Variants in CNPY1 observed in about 807,000 individuals in gnomAD.
CNPY1 encodes canopy FGF signaling regulator 1, also known as protein canopy homolog 1.
CNPY1 carries 14 observed loss-of-function variants against 14.4 expected under a neutral mutation model. That is an observed-to-expected ratio of 0.97 (90% CI 0.64 to 1.52). CNPY1 has a LOEUF of 1.52. Ranked by LOEUF, CNPY1 falls within the 40% of genes most tolerant of loss-of-function variation. The pLI, the probability that CNPY1 is intolerant of heterozygous loss-of-function variation, is 0.00. For missense variants in CNPY1, 129 were observed against 131.5 expected (o/e 0.98, Z 0.09); for synonymous variants, 43 against 46.5 (o/e 0.92, Z 0.31).
At chr7:155,533,535 C>T (rs1392926974) in intron 2 of CNPY1, among the ~76,000 whole-genome samples, 1 of 152,234 alleles carries the variant, frequency 6.6e-6, no homozygotes, top group Non-Finnish European at 1.5e-5. Flanking sequence ...AGCTCCGCCA[C>T]CCAGCGCGCG....
chr7:155,535,477 A>G (rs1783397446), intron 2 of CNPY1, among the ~76,000 whole-genome samples: 2 of 152,242 alleles, frequency 1.3e-5, no homozygotes, highest in African/African-American at 2.4e-5. Context: ...CACACAAGGC[A>G]TAAGGATACA....
At chr7:155,525,440 A>G (rs1034612755) in intron 2 of CNPY1, among the ~76,000 whole-genome samples, 21 of 151,818 alleles carry the variant, frequency 1.4e-4, no homozygotes, top group African/African-American at 5.1e-4. Context: ...AAGTGCTGGG[A>G]TTACAGGTGT....
At position 155,501,994 on chromosome 7, in the gene CNPY1, C is replaced by CGGG. The variant is rs1554446746; in HGVS notation, c.*1071_*1073dup. The stretch of plus-strand genomic sequence containing the variant: ...AACAATATGGCAAAGAGTTTTGGGT[C>CGGG]GGGGGGGTTGGGGGGGGGATTTGTA... On this transcript the variant is annotated 3_prime_UTR_variant, in exon 5 of 5. Coordinates refer to ENST00000636446, the MANE Select transcript of CNPY1 (RefSeq NM_001393663.1). The CGGG allele has an allele frequency of 5.7e-3, 70 of 12,374 alleles. No homozygotes were observed. Among genetic ancestry groups the CGGG allele is most frequent in the African/African-American group, 0.011 (49 of 4,582 alleles). 0.8% of individuals were successfully genotyped at this position (12,374 alleles called of 1,614,324 possible). A position where few individuals can be genotyped will look rare whatever the true frequency, so the allele number is the denominator to read the frequency against.
At chr7:155,520,420 CTTTCTTTCTTTTTT>C (rs1367462408) in intron 2 of CNPY1, among the ~76,000 whole-genome samples, 2 of 127,490 alleles carry the variant, frequency 1.6e-5, no homozygotes, top group Non-Finnish European at 3.3e-5. Flanking sequence ...TTCTTTCTTT[CTTTCTTTCTTTTTT>C]TTTTTTTTTT....
At chr7:155,532,434 A>G (rs1796953727) in intron 2 of CNPY1, among the ~76,000 whole-genome samples, 1 of 148,910 alleles carries the variant, frequency 6.7e-6, no homozygotes, top group Non-Finnish European at 1.5e-5. Context: ...CATCTCGGCT[A>G]ACATGGTGAA....
chr7:155,505,121 T>C (rs866906161), intron 4 of CNPY1, among the ~76,000 whole-genome samples: 2 of 152,308 alleles, frequency 1.3e-5, no homozygotes, highest in South Asian at 4.1e-4. Flanking sequence ...GTGGGAGAAG[T>C]CCAGTCTCTC....
intron 2 of CNPY1, among the ~76,000 whole-genome samples, chr7:155,532,560 G>A (rs1796958194): frequency 6.6e-6 from 1 of 152,184 alleles, no homozygotes; most frequent in South Asian, 2.1e-4. Flanking sequence ...GGCGGAGCTT[G>A]CAGTGAGCCG....
At chr7:155,506,442 G>T (rs902807449) in intron 4 of CNPY1, among the ~76,000 whole-genome samples, 1 of 152,146 alleles carries the variant, frequency 6.6e-6, no homozygotes, top group African/African-American at 2.4e-5. Context: ...TTCTGAGTGT[G>T]TGTATATGCT....
At chr7:155,534,463 A>G (rs1796999352) in intron 2 of CNPY1, among the ~76,000 whole-genome samples, 2 of 151,710 alleles carry the variant, frequency 1.3e-5, no homozygotes, top group Non-Finnish European at 2.9e-5. Context: ...ACACACACAC[A>G]CTCGATGCGA....
intron 2 of CNPY1, among the ~76,000 whole-genome samples, chr7:155,523,514 C>T (rs1796764358): frequency 6.6e-6 from 1 of 152,212 alleles, no homozygotes; most frequent in Non-Finnish European, 1.5e-5. Context: ...CTGATGCTCA[C>T]CCTGCAGCTG....
At chr7:155,516,780 T>G (rs1199900107) in intron 2 of CNPY1, among the ~76,000 whole-genome samples, 1 of 152,072 alleles carries the variant, frequency 6.6e-6, no homozygotes, top group Non-Finnish European at 1.5e-5. Flanking sequence ...AGGGTGACAC[T>G]CGGGCCATTC....
chr7:155,504,998 T>C (rs1796253496), intron 4 of CNPY1, among the ~76,000 whole-genome samples: 1 of 152,188 alleles, frequency 6.6e-6, no homozygotes, highest in South Asian at 2.1e-4. Context: ...TCAGAGTTTT[T>C]ATCATTGATG....
rs563277075 is a variant in CNPY1 at position 155,525,330 on chromosome 7, G to A, written c.100-16233C>T. Among the ~76,000 whole-genome samples, 9 of 152,166 alleles carry A rather than the reference G, an allele frequency of 5.9e-5. No individual in the cohort carries two copies. In the South Asian group the frequency reaches 1.5e-3, roughly 25 times the overall value. ...CGAGTAGCTGGGATTACAGGCATGCGCCATCACGGCCGGTTAATTTTGTAT... is the reference window on the plus strand; with the variant it reads ...CGAGTAGCTGGGATTACAGGCATGCACCATCACGGCCGGTTAATTTTGTAT... On this transcript the variant is annotated intron_variant, in intron 2 of 4. Coordinates refer to ENST00000636446, the MANE Select transcript of CNPY1 (RefSeq NM_001393663.1).
rs193101561 is a variant in CNPY1, at chr7:155,513,994, T to G, written c.100-4897A>C. Among the ~76,000 whole-genome samples, 244 of 152,362 alleles carry G rather than the reference T, an allele frequency of 1.6e-3. 4 individuals are homozygous for G. The Middle Eastern group carries it at 0.034, about 21-fold the overall frequency. ...AAGCTTAACCTCTGTTAAAAAATCT[T>G]CTAAGCAAGGACTTTGGGCACCCAA... On this transcript the variant is annotated intron_variant, in intron 2 of 4. Coordinates refer to ENST00000636446, the MANE Select transcript of CNPY1 (RefSeq NM_001393663.1).
At chr7:155,516,836 C>T (rs764053961) in intron 2 of CNPY1, among the ~76,000 whole-genome samples, 2 of 152,186 alleles carry the variant, frequency 1.3e-5, no homozygotes, top group African/African-American at 2.4e-5. Context: ...GGTGACTCCT[C>T]GGCCTCCTAG....
intron 2 of CNPY1, among the ~76,000 whole-genome samples, chr7:155,523,424 T>C (rs1796761658): frequency 6.6e-6 from 1 of 152,134 alleles, no homozygotes; most frequent in South Asian, 2.1e-4. Flanking sequence ...CCGTAACATC[T>C]TCATTATTAT....
At chr7:155,505,741 T>C (rs1033932523) in intron 4 of CNPY1, among the ~76,000 whole-genome samples, 3 of 152,266 alleles carry the variant, frequency 2.0e-5, no homozygotes, top group African/African-American at 7.2e-5. Flanking sequence ...TCTGAATGCC[T>C]ACATACATCT....
intron 2 of CNPY1, among the ~76,000 whole-genome samples, chr7:155,527,584 A>G (rs1026848099): frequency 6.7e-6 from 1 of 149,508 alleles, no homozygotes. Flanking sequence ...TGGGACCACA[A>G]GTACACGCCA....
Position 155,536,107 on chromosome 7 carries a change from G to A in CNPY1, c.99+9724C>T, listed in dbSNP as rs1362739700. 3.9e-5 allele frequency among the ~76,000 whole-genome samples: 6 copies of A among 152,160 alleles called. No homozygotes were observed. Among genetic ancestry groups the A allele is most frequent in the Admixed American group, 1.3e-4 (2 of 15,280 alleles). On this transcript the variant is annotated intron_variant, in intron 2 of 4. Transcript: ENST00000636446. The surrounding 1 kb of genome is among the most constrained non-coding windows in gnomAD (Gnocchi z 4.1). ...CTGGGCTGGGCTGTCCTCACCTGGC[G>A]GGGTCAGAGGCAGTGGGGATCCAGG...
Sources: gnomAD v4.1 joint callset for allele counts (sites outside exome capture counted in the v4.1 genomes callset) on GRCh38, gnomAD v4.1.1 for gene constraint, Gnocchi (gnomAD v3.1) non-coding constraint, MANE v1.5 for transcripts, NCBI Gene and HGNC (gene_info 2026-07-23, HGNC 2026-07-21) for gene names.